The following COG7 variants were observed in gnomAD, a reference collection of about 807,000 sequenced individuals.
COG7 encodes component of oligomeric golgi complex 7, also known as conserved oligomeric Golgi complex subunit 7.
In COG7, 49 loss-of-function variants were observed where a neutral mutation model predicts 91.5. That is an observed-to-expected ratio of 0.54 (90% confidence interval 0.43 to 0.68). The LOEUF (loss-of-function observed/expected upper bound fraction) is 0.68, where lower values mean the gene tolerates loss of function less well. COG7 is among the 30% of genes least tolerant of loss of function. COG7 has a pLI of 0.00. For missense variants in COG7, 895 were observed against 961.3 expected, an observed-to-expected ratio of 0.93 and a Z score of 0.91; for synonymous variants, 365 against 388.7, an observed-to-expected ratio of 0.94 and a Z score of 0.72.
At chr16:23,439,084 G>T (rs1964057287) in intron 4 of COG7, among the ~76,000 whole-genome samples, 1 of 150,708 alleles carries the variant, frequency 6.6e-6, no homozygotes, top group Non-Finnish European at 1.5e-5. Flanking sequence ...CTTCAATCTG[G>T]GTGGCAGAGG....
At chr16:23,418,256 G>A (rs1596930990) in intron 8 of COG7, among the ~76,000 whole-genome samples, 1 of 152,320 alleles carries the variant, frequency 6.6e-6, no homozygotes, top group African/African-American at 2.4e-5. Context: ...TGTAATTCCA[G>A]TACTTTGGAA....
chr16:23,426,840 AAG>A (rs1437275351), intron 6 of COG7, among the ~76,000 whole-genome samples: 2,017 of 143,412 alleles, frequency 0.014, 25 homozygotes, highest in Non-Finnish European at 0.016. Context: ...AAAAAAAAGA[AAG>A]AAAGAAAGAA....
Position 23,417,015 on chromosome 16 carries a change from C to A in COG7, c.1244G>T (p.Gly415Val). ...AVDRCVRFTN[G>V]LGTCGLLSAL... The stretch of plus-strand genomic sequence containing the variant: ...TGACAACAGGCCGCAGGTCCCCAGG[C>A]CATTGGTGAATCTGACGCATCTGTC... The change falls in exon 9 of 17, where the codon GGC (glycine) becomes GTC (valine). Residue 415 changes from glycine to valine, a missense_variant. Gly to Val is a moderately radical substitution (Grantham distance 109). Transcript: ENST00000307149. 1 of 1,614,272 alleles carries A rather than the reference C, an allele frequency of 6.2e-7. No individual in the cohort carries two copies. The highest frequency in any genetic ancestry group is 1.1e-5 in the South Asian group (1 of 91,088).
chr16:23,413,041 A>G lies in COG7; in HGVS notation c.1409+407T>C, dbSNP rs114867832. On this transcript the variant is annotated intron_variant, in intron 10 of 16. Coordinates refer to ENST00000307149, the MANE Select transcript of COG7 (RefSeq NM_153603.4). ...AGGCCAAATAGCGTTGCCTGGAACC[A>G]TTTAGTACCATGTACCATGGTTCTC... is the stretch of plus-strand genomic sequence containing the variant. 1,176 of 247,334 alleles carry G rather than the reference A, an allele frequency of 4.8e-3. 11 individuals are homozygous for G. The highest frequency in any genetic ancestry group is 0.026 in the African/African-American group (1,105 of 43,160). 15.3% of individuals were successfully genotyped at this position (247,334 alleles called of 1,614,324 possible).
At chr16:23,395,941 C>T (rs1302038865) in intron 14 of COG7, among the ~76,000 whole-genome samples, 2 of 152,178 alleles carry the variant, frequency 1.3e-5, no homozygotes, top group Admixed American at 1.3e-4. Context: ...TGAGGATGAC[C>T]TCATATTACT....
intron 11 of COG7, 91 bp downstream of exon 11, chr16:23,410,204 C>T (rs879084633): frequency 2.0e-6 from 2 of 977,196 alleles, no homozygotes; most frequent in South Asian, 2.7e-5. Context: ...TCACATCTGG[C>T]ATATGCTGTC....
At chr16:23,418,487 C>A (rs1050588114) in intron 8 of COG7, among the ~76,000 whole-genome samples, 2 of 152,024 alleles carry the variant, frequency 1.3e-5, no homozygotes, top group African/African-American at 2.4e-5. Context: ...CCAGCCTGGG[C>A]GACAGATGGA....
At chr16:23,428,697 T>C (rs927507906) in intron 6 of COG7, among the ~76,000 whole-genome samples, 9 of 150,316 alleles carry the variant, frequency 6.0e-5, no homozygotes, top group East Asian at 1.9e-4. Context: ...CTTTTCTTTT[T>C]TTTTTTTTTT....
chr16:23,432,521 G>GA (rs1596945915), intron 6 of COG7, among the ~76,000 whole-genome samples: 1 of 151,644 alleles, frequency 6.6e-6, no homozygotes, highest in African/African-American at 2.4e-5. Flanking sequence ...AAATAAATAA[G>GA]AAAAAAATAA....
At chr16:23,401,754 G>T (rs1410188299) in intron 13 of COG7, among the ~76,000 whole-genome samples, 1 of 151,338 alleles carries the variant, frequency 6.6e-6, no homozygotes, top group African/African-American at 2.4e-5. Flanking sequence ...TATCTTTCGT[G>T]GAGAAAAAAA....
intron 13 of COG7, among the ~76,000 whole-genome samples, chr16:23,401,920 G>A (rs1963384508): frequency 6.6e-6 from 1 of 152,126 alleles, no homozygotes; most frequent in Admixed American, 6.6e-5. Context: ...AGCCTGGAGT[G>A]GTGGCAGGCG....
At chr16:23,419,484 C>T (rs1360242174) in intron 7 of COG7, among the ~76,000 whole-genome samples, 1 of 151,230 alleles carries the variant, frequency 6.6e-6, no homozygotes, top group African/African-American at 2.4e-5. Flanking sequence ...CTCGGTGGCT[C>T]ACACTTGTAA....
Position 23,453,087 on chromosome 16 carries a change from G to C in COG7, c.-93C>G. On this transcript the variant is annotated 5_prime_UTR_variant, in exon 1 of 17. Coordinates refer to ENST00000307149, the MANE Select transcript of COG7 (RefSeq NM_153603.4). The stretch of plus-strand genomic sequence containing the variant: ...AAGCGAGCGAGCCTGCGAGAGCACC[G>C]AGGCTAGCCTCCGAGGCGAACCCCA... 4 of 1,580,346 alleles carry C rather than the reference G, an allele frequency of 2.5e-6. No homozygotes were observed. The highest frequency in any genetic ancestry group is 1.1e-5 in the South Asian group (1 of 87,986).
intron 9 of COG7, 187 bp downstream of exon 9, chr16:23,416,780 T>G: frequency 1.5e-6 from 1 of 682,096 alleles, no homozygotes; most frequent in Non-Finnish European, 2.6e-6. Flanking sequence ...TGGGTAGACA[T>G]TTACGTTGTT....
intron 16 of COG7, among the ~76,000 whole-genome samples, chr16:23,391,263 AC>A (rs1364382051): frequency 3.3e-5 from 5 of 152,218 alleles, no homozygotes; most frequent in Non-Finnish European, 7.3e-5. Flanking sequence ...AACAAGGACA[AC>A]TGAAACTGAG....
chr16:23,400,071 G>T (rs1023594420), intron 13 of COG7, among the ~76,000 whole-genome samples: 4 of 152,152 alleles, frequency 2.6e-5, no homozygotes, highest in African/African-American at 9.7e-5. Flanking sequence ...GTGGATCATG[G>T]TTGGAGCAGG....
Position 23,418,755 on chromosome 16 carries a change from T to C in COG7, c.1082A>G (p.Lys361Arg). The C allele has an allele frequency of 6.2e-7, 1 of 1,613,822 alleles. No homozygotes were observed. Among genetic ancestry groups the C allele is most frequent in the Non-Finnish European group, 8.5e-7 (1 of 1,179,700 alleles). Residue 361 changes from lysine to arginine, a missense_variant, in exon 8 of 17, where the codon AAG becomes AGG. Coordinates refer to ENST00000307149, the MANE Select transcript of COG7 (RefSeq NM_153603.4). ...VYDPYKPYQL[K>R]YGDMEESNLL... ...GTTGCTCTCTTCCATGTCGCCATAC[T>C]TCAGCTGGTAGGGTTTGTATGGATC...
Position 23,410,142 on chromosome 16 carries a change from C to T in COG7, c.1475+153G>A, listed in dbSNP as rs543920157. Among the ~76,000 whole-genome samples the T allele has an allele frequency of 1.2e-3, 180 of 152,238 alleles. 1 individual carries two copies. The highest frequency in any genetic ancestry group is 3.7e-3 in the African/African-American group (154 of 41,544). On this transcript the variant is annotated intron_variant, in intron 11 of 16. Coordinates refer to ENST00000307149, the MANE Select transcript of COG7 (RefSeq NM_153603.4). ...GTGCTCAATAAACGTTTAATGATGA[C>T]AATAATGACACGCTGTATCTAGGTA...
At chr16:23,398,428 C>T (rs1454072583) in intron 13 of COG7, among the ~76,000 whole-genome samples, 1 of 152,202 alleles carries the variant, frequency 6.6e-6, no homozygotes, top group Non-Finnish European at 1.5e-5. Flanking sequence ...ATTTATCTCG[C>T]TGAGATTGTA....
Sources: gnomAD v4.1 joint callset for allele counts (sites outside exome capture counted in the v4.1 genomes callset) on GRCh38, gnomAD v4.1.1 for gene constraint, MANE v1.5 for transcripts, NCBI Gene and HGNC (gene_info 2026-07-23, HGNC 2026-07-21) for gene names.